Variants in ZNF804B observed in about 807,000 individuals in gnomAD.
The protein encoded by ZNF804B is zinc finger 804B.
Under a neutral mutation model 101.4 loss-of-function variants are expected in ZNF804B, and 80 were observed. That is an observed-to-expected ratio of 0.79 (90% CI 0.66 to 0.95). ZNF804B has a LOEUF of 0.95. Among genes scored for constraint, ZNF804B ranks in the 40% least tolerant of loss-of-function variants. ZNF804B has a pLI of 0.00. For synonymous variants in ZNF804B, 622 were observed against 558.8 expected (o/e 1.11, Z -1.59); for missense variants, 1,673 against 1,561.9 (o/e 1.07, Z -1.20).
chr7:89,085,262 T>C (rs1348767008), intron 1 of ZNF804B, among the ~76,000 whole-genome samples: 1 of 151,964 alleles, frequency 6.6e-6, no homozygotes, highest in African/African-American at 2.4e-5. Context: ...ACTTCAAGAT[T>C]TATTACAGAT....
At chr7:88,816,992 A>G (rs952174932) in intron 1 of ZNF804B, among the ~76,000 whole-genome samples, 6 of 151,434 alleles carry the variant, frequency 4.0e-5, no homozygotes, top group Admixed American at 6.6e-5. Context: ...CAAATGTCCA[A>G]CCATTATAGA....
Position 88,759,837 on chromosome 7 carries a change from TGCCACCGC to T in ZNF804B, c.-139_-132del. Reference sequence around the variant, plus strand: ...CACGGGGCGCGGAGCAGGGACGCGCTGCCACCGCCTCCCCCTGCGTCCTGCTGGCCGCG... The same window carrying T: ...CACGGGGCGCGGAGCAGGGACGCGCTCTCCCCCTGCGTCCTGCTGGCCGCG... On this transcript the variant is annotated 5_prime_UTR_variant, in exon 1 of 4. The change creates a premature stop within an existing upstream ORF in the 5' untranslated region. Coordinates refer to ENST00000333190, the MANE Select transcript of ZNF804B (RefSeq NM_181646.5). The T allele has an allele frequency of 1.5e-6, 1 of 669,728 alleles. No homozygotes were observed. Among genetic ancestry groups the T allele is most frequent in the East Asian group, 2.7e-5 (1 of 37,086 alleles). The allele number at this position is 669,728 out of a possible 1,614,324, so 41.5% of individuals were successfully genotyped here. A position where few individuals can be genotyped will look rare whatever the true frequency, so the allele number is the denominator to read the frequency against.
At chr7:89,193,209 T>A (rs190896631) in intron 1 of ZNF804B, among the ~76,000 whole-genome samples, 2 of 150,882 alleles carry the variant, frequency 1.3e-5, no homozygotes, top group East Asian at 3.9e-4. Context: ...AGTCAAACCA[T>A]CTTTGTTTGC....
At chr7:88,808,092 C>T (rs1272705808) in intron 1 of ZNF804B, among the ~76,000 whole-genome samples, 1 of 152,076 alleles carries the variant, frequency 6.6e-6, no homozygotes, top group African/African-American at 2.4e-5. Flanking sequence ...CACTTTATCT[C>T]TTCTGAAAAG....
At chr7:88,879,975 A>T (rs1792008492) in intron 1 of ZNF804B, among the ~76,000 whole-genome samples, 2 of 151,254 alleles carry the variant, frequency 1.3e-5, no homozygotes, top group African/African-American at 2.4e-5. Flanking sequence ...GGAGGTGGAG[A>T]TTGCAGTGAG....
At chr7:89,021,807 G>A (rs576454033) in intron 1 of ZNF804B, among the ~76,000 whole-genome samples, 2 of 152,194 alleles carry the variant, frequency 1.3e-5, no homozygotes, top group African/African-American at 4.8e-5. Context: ...GGCTCCCAGA[G>A]CATAGTGCTC....
intron 1 of ZNF804B, among the ~76,000 whole-genome samples, chr7:88,786,114 G>A (rs1486551706): frequency 6.6e-6 from 1 of 152,060 alleles, no homozygotes; most frequent in Non-Finnish European, 1.5e-5. Context: ...GCTCATCCTT[G>A]CTGAATAACT....
chr7:88,911,832 A>T (rs1015280821), intron 1 of ZNF804B, among the ~76,000 whole-genome samples: 16 of 151,724 alleles, frequency 1.1e-4, no homozygotes, highest in Admixed American at 2.0e-4. Context: ...TTTTGTTGTT[A>T]TAAGATTAGT....
chr7:89,110,266 T>C (rs1790197642), intron 1 of ZNF804B, among the ~76,000 whole-genome samples: 1 of 152,180 alleles, frequency 6.6e-6, no homozygotes, highest in South Asian at 2.1e-4. Flanking sequence ...ATAATACTAA[T>C]TCATGAGAAA....
At chr7:88,950,380 A>G (rs1018178611) in intron 1 of ZNF804B, among the ~76,000 whole-genome samples, 5 of 152,020 alleles carry the variant, frequency 3.3e-5, no homozygotes, top group African/African-American at 9.6e-5. Context: ...AAGAAAGCTA[A>G]CTAGAGTCTG....
chr7:89,274,966 G>A (rs1034665041), intron 2 of ZNF804B, among the ~76,000 whole-genome samples: 3 of 151,860 alleles, frequency 2.0e-5, no homozygotes, highest in Non-Finnish European at 4.4e-5. Flanking sequence ...TCTGTTCTCA[G>A]TGAGACAGAG....
In ZNF804B at chr7:89,062,677, C is replaced by G. The variant is rs1275311478; in HGVS notation, c.109-155478C>G. ...AGTCTGAGGTAAGTCAGGGAATTGA[C>G]TGCTGACGACTAACACATCATCACC... On this transcript the variant is annotated intron_variant, in intron 1 of 3. Transcript: ENST00000333190. 5.9e-5 allele frequency among the ~76,000 whole-genome samples: 9 copies of G among 152,190 alleles called. No individual in the cohort carries two copies. The East Asian group carries it at 1.7e-3, about 30-fold the overall frequency.
chr7:88,935,355 G>T (rs924516171), intron 1 of ZNF804B, among the ~76,000 whole-genome samples: 2 of 136,640 alleles, frequency 1.5e-5, no homozygotes, highest in African/African-American at 5.6e-5. Flanking sequence ...AAAAACTATT[G>T]AAGTAAAAGT....
At chr7:89,302,012 G>A (rs1790482496) in intron 2 of ZNF804B, among the ~76,000 whole-genome samples, 1 of 151,806 alleles carries the variant, frequency 6.6e-6, no homozygotes, top group Non-Finnish European at 1.5e-5. Flanking sequence ...CATGGCATCA[G>A]CTTGAACTAT....
chr7:88,957,864 A>T (rs967835794), intron 1 of ZNF804B, among the ~76,000 whole-genome samples: 1 of 151,338 alleles, frequency 6.6e-6, no homozygotes, highest in Admixed American at 6.6e-5. Flanking sequence ...TTGATCATTT[A>T]CTTCTAAAAT....
At chr7:89,270,996 A>G (rs895639538) in intron 2 of ZNF804B, among the ~76,000 whole-genome samples, 3 of 152,334 alleles carry the variant, frequency 2.0e-5, no homozygotes, top group South Asian at 2.1e-4. Flanking sequence ...TAGATATACA[A>G]TCATGTCATC....
At chr7:89,084,175 T>A (rs1349389409) in intron 1 of ZNF804B, among the ~76,000 whole-genome samples, 2 of 151,836 alleles carry the variant, frequency 1.3e-5, no homozygotes, top group East Asian at 3.9e-4. Context: ...AGCAATGCCC[T>A]GAGTTATGTG....
chr7:89,154,011 G>A (rs1443328161), intron 1 of ZNF804B, among the ~76,000 whole-genome samples: 1 of 151,760 alleles, frequency 6.6e-6, no homozygotes, highest in Non-Finnish European at 1.5e-5. Context: ...TTCAGAATAT[G>A]TAAGGAACAC....
chr7:89,334,610 C>G lies in ZNF804B; in HGVS notation c.1628C>G (p.Pro543Arg). The change falls in exon 4 of 4, where the codon CCG (proline) becomes CGG (arginine). Residue 543 changes from proline to arginine, a missense_variant. Pro to Arg is a moderately radical substitution (Grantham distance 103). Coordinates refer to ENST00000333190, the MANE Select transcript of ZNF804B (RefSeq NM_181646.5). ...AAACCAAAGACGATGATAGCTAATC[C>G]GGATTGGGAAAAATTCCAGAGGAAA... ...YPKPKTMIAN[P>R]DWEKFQRKYN... 1 of 1,613,630 alleles carries G rather than the reference C, an allele frequency of 6.2e-7. No homozygotes were observed. The highest frequency in any genetic ancestry group is 8.5e-7 in the Non-Finnish European group (1 of 1,179,814).
Sources: gnomAD v4.1 joint callset for allele counts (sites outside exome capture counted in the v4.1 genomes callset) on GRCh38, gnomAD v4.1.1 for gene constraint, MANE v1.5 for transcripts, NCBI Gene and HGNC (gene_info 2026-07-23, HGNC 2026-07-21) for gene names.